Variants in SKAP1 observed in about 807,000 individuals in gnomAD.
The protein encoded by SKAP1 is src kinase associated phosphoprotein 1, also known as src kinase-associated phosphoprotein 1.
In SKAP1, 44 loss-of-function variants were observed where a neutral mutation model predicts 58.5. The ratio of observed to expected loss-of-function variants is 0.75; its 90% CI spans 0.59 to 0.97. The LOEUF (loss-of-function observed/expected upper bound fraction) is 0.97, where lower values mean the gene tolerates loss of function less well. Among genes scored for constraint, SKAP1 ranks in the 50% least tolerant of loss-of-function variants. SKAP1 has a pLI of 0.00. For synonymous variants in SKAP1, 127 were observed against 149.7 expected, an observed-to-expected ratio of 0.85 and a Z score of 1.11; for missense variants, 390 against 435.2, an observed-to-expected ratio of 0.90 and a Z score of 0.92.
intron 2 of SKAP1, among the ~76,000 whole-genome samples, chr17:48,378,438 C>T (rs572710127): frequency 6.6e-6 from 1 of 152,128 alleles, no homozygotes; most frequent in East Asian, 1.9e-4. Flanking sequence ...CCTGGTAAAC[C>T]TCCAATAAAT....
intron 9 of SKAP1, among the ~76,000 whole-genome samples, chr17:48,173,559 C>T (rs917608107): frequency 2.0e-5 from 3 of 152,166 alleles, no homozygotes; most frequent in Non-Finnish European, 4.4e-5. Flanking sequence ...TTGGTACAAC[C>T]TCAGTTTTAG....
At chr17:48,393,253 C>T (rs2067372428) in intron 2 of SKAP1, among the ~76,000 whole-genome samples, 1 of 152,142 alleles carries the variant, frequency 6.6e-6, no homozygotes, top group South Asian at 2.1e-4. Context: ...AAATTGCTAT[C>T]CGTTTTTATT....
At chr17:48,436,818 C>A in the SKAP1 span, among the ~76,000 whole-genome samples, 2 of 152,172 alleles carry the variant, frequency 1.3e-5, no homozygotes, top group East Asian at 3.9e-4. Flanking sequence ...CTCCCAAGAG[C>A]ATCACTGACC....
In SKAP1 at chr17:48,288,543, G is replaced by A. The variant is rs182339355; in HGVS notation, c.280+57362C>T. On this transcript the variant is annotated intron_variant, in intron 4 of 12. Transcript: ENST00000336915. ...TCTACTAAAAACACAAAAATTAGCC[G>A]GGTATGGTGGCGTGCACCTGTAGTC... is the stretch of plus-strand genomic sequence containing the variant. 4.4e-3 allele frequency among the ~76,000 whole-genome samples: 667 copies of A among 152,148 alleles called. 9 individuals carry two copies. Among genetic ancestry groups the A allele is most frequent in the African/African-American group, 0.015 (629 of 41,516 alleles).
intron 2 of SKAP1, among the ~76,000 whole-genome samples, chr17:48,395,680 A>G (rs1454215365): frequency 2.0e-5 from 3 of 152,196 alleles, no homozygotes; most frequent in Non-Finnish European, 4.4e-5. Flanking sequence ...TGTTTCAATT[A>G]TTCAGGGCAA....
upstream of SKAP1, among the ~76,000 whole-genome samples, chr17:48,432,643 AT>A (rs1028539250): frequency 6.6e-6 from 1 of 151,494 alleles, no homozygotes; most frequent in Non-Finnish European, 1.5e-5. Flanking sequence ...TATCATCTCA[AT>A]TTTTTTTTGG....
intron 4 of SKAP1, among the ~76,000 whole-genome samples, chr17:48,264,742 C>T (rs2065522294): frequency 9.6e-6 from 1 of 104,356 alleles, no homozygotes; most frequent in Non-Finnish European, 2.0e-5. Context: ...ATCAAATCTA[C>T]AAAACACACA....
intron 10 of SKAP1, 118 bp downstream of exon 10, chr17:48,170,491 C>T: frequency 1.1e-6 from 1 of 873,186 alleles, no homozygotes. Flanking sequence ...GGTTCACACA[C>T]AGGTACCCTC....
chr17:48,232,426 A>G (rs2065135722), intron 4 of SKAP1, among the ~76,000 whole-genome samples: 1 of 152,242 alleles, frequency 6.6e-6, no homozygotes, highest in South Asian at 2.1e-4. Flanking sequence ...CATGGGCACA[A>G]ATATTTATAT....
At chr17:48,222,893 A>C (rs2065020801) in intron 4 of SKAP1, among the ~76,000 whole-genome samples, 1 of 150,494 alleles carries the variant, frequency 6.6e-6, no homozygotes, top group South Asian at 2.1e-4. Context: ...GTGAAACCCC[A>C]TCTCTACTAA....
chr17:48,392,975 C>G (rs1167185589), intron 2 of SKAP1, among the ~76,000 whole-genome samples: 1 of 151,974 alleles, frequency 6.6e-6, no homozygotes, highest in Non-Finnish European at 1.5e-5. Context: ...ACTGTTTCTC[C>G]CAATGCGTTA....
At chr17:48,401,553 A>G (rs1296098931) in intron 1 of SKAP1, among the ~76,000 whole-genome samples, 1 of 152,204 alleles carries the variant, frequency 6.6e-6, no homozygotes, top group East Asian at 1.9e-4. Context: ...TGGTGCTGAG[A>G]CAACTGAGTA....
At chr17:48,173,763 T>G (rs2064249319) in intron 9 of SKAP1, among the ~76,000 whole-genome samples, 1 of 152,190 alleles carries the variant, frequency 6.6e-6, no homozygotes, top group Non-Finnish European at 1.5e-5. Flanking sequence ...GAATTACAAA[T>G]TGGATCCGAA....
intron 4 of SKAP1, among the ~76,000 whole-genome samples, chr17:48,237,919 A>AT (rs34392180): frequency 0.18 from 26,762 of 145,460 alleles, 2,994 homozygotes; most frequent in African/African-American, 0.32. Context: ...TTTGGTTCAG[A>AT]TTTTTTTTTT....
chr17:48,224,035 A>AGAGAG (rs1406032187), intron 4 of SKAP1, among the ~76,000 whole-genome samples: 2 of 65,434 alleles, frequency 3.1e-5, no homozygotes. Flanking sequence ...AGAGAGAGAG[A>AGAGAG]AGAAGGAGGA....
chr17:48,352,827 C>T (rs567042398), intron 3 of SKAP1, among the ~76,000 whole-genome samples: 2 of 152,204 alleles, frequency 1.3e-5, no homozygotes, highest in South Asian at 4.1e-4. Context: ...AGGCTTTCAC[C>T]CCAACTTGTC....
At chr17:48,145,779 C>T (rs993908166) in intron 11 of SKAP1, among the ~76,000 whole-genome samples, 5 of 152,180 alleles carry the variant, frequency 3.3e-5, no homozygotes, top group Non-Finnish European at 7.3e-5. Context: ...TCTTCCATGG[C>T]TCCCCTGGAG....
intron 2 of SKAP1, among the ~76,000 whole-genome samples, chr17:48,392,235 A>AT (rs2067358420): frequency 6.6e-6 from 1 of 152,228 alleles, no homozygotes; most frequent in Non-Finnish European, 1.5e-5. Context: ...TTTTACTAGT[A>AT]TATCATGTTT....
intron 1 of SKAP1, among the ~76,000 whole-genome samples, chr17:48,405,284 C>A (rs2067555179): frequency 1.3e-5 from 2 of 151,748 alleles, no homozygotes; most frequent in Non-Finnish European, 2.9e-5. Context: ...TTTATTTAAC[C>A]AAAAATATCA....
Sources: allele counts gnomAD v4.1 joint callset (sites outside exome capture counted in the v4.1 genomes callset), GRCh38; gene constraint gnomAD v4.1.1; transcripts MANE v1.5; gene names NCBI Gene and HGNC (gene_info 2026-07-23, HGNC 2026-07-21).